The following PRKCZ variants were observed in gnomAD, a reference collection of about 807,000 sequenced individuals.
PRKCZ encodes the protein protein kinase C zeta.
A neutral mutation model predicts 79.5 loss-of-function variants in PRKCZ; 33 were observed. The observed-to-expected ratio is 0.41, with a 90% CI of 0.31 to 0.55. The LOEUF is 0.55. PRKCZ is among the 20% of genes least tolerant of loss of function. The pLI is 0.19. For missense variants in PRKCZ, 578 were observed against 813.5 expected (o/e 0.71, Z 3.52); for synonymous variants, 342 against 320.9 (o/e 1.07, Z -0.70).
At chr1:2,065,678 C>CAAAAAAA (rs61017134) in intron 4 of PRKCZ, among the ~76,000 whole-genome samples, 1 of 56,106 alleles carries the variant, frequency 1.8e-5, no homozygotes, top group African/African-American at 6.2e-5. Context: ...GACTCTGTCT[C>CAAAAAAA]AAAAAAAAAA....
intron 4 of PRKCZ, among the ~76,000 whole-genome samples, chr1:2,091,764 C>G (rs374614491): frequency 1.3e-5 from 2 of 152,116 alleles, no homozygotes; most frequent in South Asian, 4.1e-4. Flanking sequence ...GTGAACTGAT[C>G]CCACTTGTTC....
intron 4 of PRKCZ, among the ~76,000 whole-genome samples, chr1:2,109,681 G>C (rs940904339): frequency 6.6e-6 from 1 of 152,172 alleles, no homozygotes; most frequent in Non-Finnish European, 1.5e-5. Flanking sequence ...TGCAGTGTCC[G>C]GAAGGCGGTG....
intron 1 of PRKCZ, 164 bp downstream of exon 1, chr1:2,050,865 AC>A: frequency 2.4e-6 from 1 of 415,278 alleles, no homozygotes; most frequent in Non-Finnish European, 4.0e-6. Flanking sequence ...CGTGAGCGTC[AC>A]CCGCGGACAC....
chr1:2,172,509 T>A lies in PRKCZ; in HGVS notation c.1285+121T>A, dbSNP rs1684628838. The A allele has an allele frequency of 8.8e-7, 1 of 1,130,970 alleles. No homozygotes were observed. Among genetic ancestry groups the A allele is most frequent in the Non-Finnish European group, 1.2e-6 (1 of 816,206 alleles). The allele number at this position is 1,130,970 out of a possible 1,614,324, so 70.1% of individuals were successfully genotyped here. ...TTACACCCAAAAGCCACACACTGTC[T>A]TTCCCAGCCGGATGTCATCATCTGG... is the stretch of plus-strand genomic sequence containing the variant. On this transcript the variant is annotated intron_variant, in intron 13 of 17. Transcript: ENST00000378567. The surrounding 1 kb of genome is among the most constrained non-coding windows in gnomAD (Gnocchi z 7.8).
chr1:2,068,385 T>G (rs1661297518), intron 4 of PRKCZ, among the ~76,000 whole-genome samples: 2 of 152,246 alleles, frequency 1.3e-5, no homozygotes, highest in South Asian at 4.1e-4. Flanking sequence ...GCATCCTGCT[T>G]CCTGGCCACC....
chr1:2,049,020 G>A (rs550400826), upstream of PRKCZ, among the ~76,000 whole-genome samples: 2 of 152,166 alleles, frequency 1.3e-5, no homozygotes, highest in African/African-American at 4.8e-5. Context: ...ACAAAAATCA[G>A]CTGGGCATGG....
At chr1:2,146,181 A>G in intron 7 of PRKCZ, 73 bp downstream of exon 7, 2 of 1,436,498 alleles carry the variant, frequency 1.4e-6, no homozygotes, top group South Asian at 1.2e-5. Context: ...CCTTCTAGCC[A>G]CGAGTCCTTT....
At chr1:2,182,691 C>T (rs905238838) in intron 16 of PRKCZ, 3 of 154,880 alleles carry the variant, frequency 1.9e-5, no homozygotes, top group African/African-American at 7.2e-5. Flanking sequence ...GTGACATCCT[C>T]CCCTCAAGCC....
chr1:2,097,073 C>A (rs985586730), intron 4 of PRKCZ, among the ~76,000 whole-genome samples: 1 of 152,250 alleles, frequency 6.6e-6, no homozygotes, highest in Non-Finnish European at 1.5e-5. Flanking sequence ...CGACTCCATT[C>A]TTCAGAGGCT....
chr1:2,104,017 C>T (rs983810813), intron 4 of PRKCZ, among the ~76,000 whole-genome samples: 14 of 152,204 alleles, frequency 9.2e-5, no homozygotes, highest in African/African-American at 2.9e-4. Flanking sequence ...CAGCACCGCA[C>T]GCAGACGGGA....
chr1:2,157,814 A>G (rs1408688819), intron 10 of PRKCZ, among the ~76,000 whole-genome samples: 3 of 150,166 alleles, frequency 2.0e-5, no homozygotes, highest in Non-Finnish European at 4.4e-5. Context: ...AAGTGCTGGG[A>G]TTACAGGTGT....
intron 4 of PRKCZ, among the ~76,000 whole-genome samples, chr1:2,069,040 C>T (rs536473783): frequency 6.6e-6 from 1 of 152,290 alleles, no homozygotes; most frequent in Admixed American, 6.5e-5. Flanking sequence ...CACGGGGACA[C>T]GTGGCCTGGT....
chr1:2,088,906 C>T (rs1483924552), intron 4 of PRKCZ, among the ~76,000 whole-genome samples: 2 of 152,232 alleles, frequency 1.3e-5, no homozygotes, highest in African/African-American at 4.8e-5. Flanking sequence ...ATTGCTCTTG[C>T]TTGTACTCCC....
chr1:2,183,224 C>T (rs1557762568), intron 16 of PRKCZ, among the ~76,000 whole-genome samples: 1 of 151,532 alleles, frequency 6.6e-6, no homozygotes, highest in African/African-American at 2.4e-5. Flanking sequence ...GAGCGAGTCT[C>T]AAAACAAAAA....
chr1:2,145,124 C>G (rs575832594), intron 6 of PRKCZ: 1 of 152,458 alleles, frequency 6.6e-6, no homozygotes, highest in African/African-American at 2.4e-5. Context: ...TGGGGGACCA[C>G]GCAGGCTGGT....
rs1177855407 is a variant in PRKCZ, at chr1:2,174,684, CAG to C, written c.1406-67_1406-66del. On this transcript the variant is annotated intron_variant, in intron 14 of 17. Transcript: ENST00000378567. The surrounding 1 kb of genome is among the most constrained non-coding windows in gnomAD (Gnocchi z 6.2). Reference sequence around the variant, plus strand: ...AGCTCCCAAAGCTCTTGCTCAGAGTCAGAGTCTGGGCGGCACTGGGCAAATGG... The same window carrying C: ...AGCTCCCAAAGCTCTTGCTCAGAGTCAGTCTGGGCGGCACTGGGCAAATGG... 8.7e-6 allele frequency: 13 copies of C among 1,500,796 alleles called. No individual in the cohort carries two copies. Among genetic ancestry groups the C allele is most frequent in the African/African-American group, 1.4e-5 (1 of 72,180 alleles). The allele number at this position is 1,500,796 out of a possible 1,614,324, so 93.0% of individuals were successfully genotyped here.
chr1:2,125,005 C>T lies in PRKCZ; in HGVS notation c.335-10257C>T, dbSNP rs1409797461. Among the ~76,000 whole-genome samples, 4 of 152,318 alleles carry T rather than the reference C, an allele frequency of 2.6e-5. No homozygotes were observed. The highest frequency in any genetic ancestry group is 9.6e-5 in the African/African-American group (4 of 41,570). ...AGTTCCTGGTTCTGAGTTATTGTGACTCAGCCGCACGTCCTCCCAGGGGCC... is the reference window on the plus strand; with the variant it reads ...AGTTCCTGGTTCTGAGTTATTGTGATTCAGCCGCACGTCCTCCCAGGGGCC... On this transcript the variant is annotated intron_variant, in intron 4 of 17. Coordinates refer to ENST00000378567, the MANE Select transcript of PRKCZ (RefSeq NM_002744.6). This position sits in a 1 kb window ranked among gnomAD's most constrained non-coding sequence, Gnocchi z 4.2.
chr1:2,142,656 G>T (rs1467615900), intron 5 of PRKCZ: 1 of 176,176 alleles, frequency 5.7e-6, no homozygotes, highest in East Asian at 1.8e-4. Flanking sequence ...GGTAGCATGT[G>T]CAGAGGATGT....
chr1:2,148,336 GTCCA>G (rs1311096689), intron 7 of PRKCZ, among the ~76,000 whole-genome samples: 14 of 120,118 alleles, frequency 1.2e-4, no homozygotes, highest in Non-Finnish European at 2.2e-4. Flanking sequence ...CTCTCCATCT[GTCCA>G]TCCACTGTCC....
Sources: allele counts gnomAD v4.1 joint callset (sites outside exome capture counted in the v4.1 genomes callset), GRCh38; gene constraint gnomAD v4.1.1; non-coding constraint Gnocchi (gnomAD v3.1); transcripts MANE v1.5; gene names NCBI Gene and HGNC (gene_info 2026-07-23, HGNC 2026-07-21).